NBAS: variants seen among roughly 807,000 people sequenced by gnomAD.
NBAS encodes NAG/BC035112 fusion.
In NBAS, 219 loss-of-function variants were observed where a neutral mutation model predicts 302.5. That is an observed-to-expected ratio of 0.72 (90% CI 0.65 to 0.81). The LOEUF (loss-of-function observed/expected upper bound fraction) is 0.81. Ranked by LOEUF, NBAS falls within the 30% of genes least tolerant of loss-of-function variation. NBAS has a pLI of 0.00. For missense variants in NBAS, 2,932 were observed against 2,841.6 expected, an observed-to-expected ratio of 1.03 and a Z score of -0.72; for synonymous variants, 1,118 against 1,021.6, an observed-to-expected ratio of 1.09 and a Z score of -1.80.
At chr2:15,026,781 C>G in the NBAS span, among the ~76,000 whole-genome samples, 1 of 152,108 alleles carries the variant, frequency 6.6e-6, no homozygotes, top group Admixed American at 6.6e-5. Flanking sequence ...GCATTTAACT[C>G]TTTAATTTAT....
At position 15,234,707 on chromosome 2, in the gene NBAS, C is replaced by A. The variant is rs140373332; in HGVS notation, c.5984G>T (p.Arg1995Leu). ...QKYSHLYDLS[R>L]SEKEKLHDEA... The stretch of plus-strand genomic sequence containing the variant: ...ATCATGAAGTTTCTCTTTTTCTGAT[C>A]GGGACAGATCATAGAGGTGACTGTA... Residue 1995 changes from arginine to leucine, a missense_variant, in exon 46 of 52, where the codon CGA becomes CTA. Physicochemically the swap from Arg to Leu is moderately radical, Grantham distance 102 (BLOSUM62 -2). Coordinates refer to ENST00000281513, the MANE Select transcript of NBAS (RefSeq NM_015909.4). 1 of 1,614,066 alleles carries A rather than the reference C, an allele frequency of 6.2e-7. No homozygotes were observed. The highest frequency in any genetic ancestry group is 2.2e-5 in the East Asian group (1 of 44,882).
intron 28 of NBAS, among the ~76,000 whole-genome samples, chr2:15,392,429 A>G (rs1336276603): frequency 6.6e-6 from 1 of 151,940 alleles, no homozygotes; most frequent in Non-Finnish European, 1.5e-5. Flanking sequence ...GAAAAGGTAG[A>G]GGACATAAGA....
At chr2:15,431,148 A>T (rs1183749877) in intron 21 of NBAS, among the ~76,000 whole-genome samples, 2 of 152,124 alleles carry the variant, frequency 1.3e-5, no homozygotes, top group African/African-American at 4.8e-5. Flanking sequence ...TAATACAGAC[A>T]ACCCAAAAAG....
At chr2:14,998,036 C>A in the NBAS span, among the ~76,000 whole-genome samples, 1 of 152,114 alleles carries the variant, frequency 6.6e-6, no homozygotes, top group Non-Finnish European at 1.5e-5. Flanking sequence ...TTCTTTACAC[C>A]CTACCTGTGT....
the NBAS span, among the ~76,000 whole-genome samples, chr2:14,814,114 C>T: frequency 1.5e-4 from 23 of 152,192 alleles, no homozygotes; most frequent in Non-Finnish European, 2.5e-4. Flanking sequence ...ATGAAAATGC[C>T]TAGATGTCCA....
the NBAS span, chr2:14,890,616 G>C: frequency 5.3e-5 from 8 of 152,246 alleles, no homozygotes; most frequent in East Asian, 1.4e-3. Context: ...TCAGGAGTTT[G>C]AGACCAGCCT....
Position 15,239,187 on chromosome 2 carries a change from G to C in NBAS, c.5725-501C>G, listed in dbSNP as rs149262222. ...CATTAAAATTAGAATTATAAAAACA[G>C]TATCCAAACATTTTGGAATATGTTT... is the stretch of plus-strand genomic sequence containing the variant. On this transcript the variant is annotated intron_variant, in intron 44 of 51. Coordinates refer to ENST00000281513, the MANE Select transcript of NBAS (RefSeq NM_015909.4). Among the ~76,000 whole-genome samples the C allele has an allele frequency of 3.8e-3, 577 of 152,058 alleles. 5 individuals are homozygous for C. Among genetic ancestry groups the C allele is most frequent in the African/African-American group, 0.013 (555 of 41,518 alleles).
chr2:14,859,412 G>A, the NBAS span, among the ~76,000 whole-genome samples: 1 of 151,878 alleles, frequency 6.6e-6, no homozygotes, highest in Admixed American at 6.6e-5. Flanking sequence ...AAAAAAATAT[G>A]GAGGTATCAC....
chr2:14,937,354 C>A, the NBAS span, among the ~76,000 whole-genome samples: 3 of 152,186 alleles, frequency 2.0e-5, no homozygotes, highest in Non-Finnish European at 2.9e-5. Context: ...AACAACCACA[C>A]GCACAGCAAG....
chr2:15,017,987 A>T, the NBAS span, among the ~76,000 whole-genome samples: 1 of 152,102 alleles, frequency 6.6e-6, no homozygotes, highest in Non-Finnish European at 1.5e-5. Flanking sequence ...TCTTACATTC[A>T]TAACATGGAT....
rs936146933 is a variant in NBAS at position 15,474,166 on chromosome 2, C to A, written c.1500G>T (p.Glu500Asp). ...KQGLYLVTEM[E>D]RFAPPRKRPR... Reference sequence around the variant, plus strand: ...GGCGTTTCCGTGGTGGTGCAAATCGCTCCATTTCAGTCACCAAGTAAAGGC... The same window carrying A: ...GGCGTTTCCGTGGTGGTGCAAATCGATCCATTTCAGTCACCAAGTAAAGGC... The change falls in exon 15 of 52, where the codon GAG becomes GAT. Residue 500 changes from glutamate (E) to aspartate (D), a missense_variant. Transcript: ENST00000281513. 6.2e-7 allele frequency: 1 copy of A among 1,614,096 alleles called. No homozygotes were observed. The highest frequency in any genetic ancestry group is 1.3e-5 in the African/African-American group (1 of 75,006).
chr2:15,200,189 C>A (rs1333928366), intron 48 of NBAS, among the ~76,000 whole-genome samples: 1 of 151,940 alleles, frequency 6.6e-6, no homozygotes, highest in Non-Finnish European at 1.5e-5. Flanking sequence ...CTGTGCCTGG[C>A]CAAAAGCTGG....
Position 15,351,993 on chromosome 2 carries a change from T to C in NBAS, c.4178A>G (p.Glu1393Gly), listed in dbSNP as rs1673382790. 1 of 1,606,178 alleles carries C rather than the reference T, an allele frequency of 6.2e-7. No individual in the cohort carries two copies. Among genetic ancestry groups the C allele is most frequent in the African/African-American group, 1.3e-5 (1 of 74,800 alleles). The change falls in exon 35 of 52, where the codon GAG (glutamate) becomes GGG (glycine). Residue 1393 changes from glutamate (E) to glycine (G), a missense_variant and splice_region_variant. By Grantham distance (98) the Glu-to-Gly change is moderately conservative. Coordinates refer to ENST00000281513, the MANE Select transcript of NBAS (RefSeq NM_015909.4). ...CTCCGCTCCCTCATTTTAACTTACC[T>C]CTTGTACTGCTTTACTAGTTAATGG... is the stretch of plus-strand genomic sequence containing the variant. ...ASPLTSKAVQEDEVGVPGSNS... is the reference protein window; with the variant it reads ...ASPLTSKAVQGDEVGVPGSNS...
intron 40 of NBAS, among the ~76,000 whole-genome samples, chr2:15,294,000 C>T (rs961550400): frequency 3.9e-5 from 6 of 152,186 alleles, no homozygotes; most frequent in South Asian, 2.1e-4. Context: ...GGTTTGAATA[C>T]GAACTATTCC....
chr2:15,153,350 G>T, the NBAS span, among the ~76,000 whole-genome samples: 3 of 152,234 alleles, frequency 2.0e-5, no homozygotes, highest in Non-Finnish European at 4.4e-5. Context: ...TGAATGTGGT[G>T]CTATCCCCTG....
intron 29 of NBAS, among the ~76,000 whole-genome samples, 191 bp downstream of exon 29, chr2:15,383,024 A>G (rs1675116903): frequency 6.6e-6 from 1 of 152,224 alleles, no homozygotes; most frequent in South Asian, 2.1e-4. Flanking sequence ...ATAGTGTTGC[A>G]ATGAAAAAAG....
At chr2:15,271,947 A>C (rs569929782) in intron 44 of NBAS, among the ~76,000 whole-genome samples, 1 of 152,378 alleles carries the variant, frequency 6.6e-6, no homozygotes, top group South Asian at 2.1e-4. Context: ...GATTTGGTAC[A>C]AATACACTTT....
chr2:14,799,600 A>G, the NBAS span, among the ~76,000 whole-genome samples: 1 of 152,150 alleles, frequency 6.6e-6, no homozygotes, highest in South Asian at 2.1e-4. Context: ...TGCTTAATTG[A>G]GTAGTCTATA....
At position 15,383,281 on chromosome 2, in the gene NBAS, C is replaced by A; in HGVS notation, c.3294G>T (p.Leu1098Phe). ...PPVSESHWRT[L>F]LQDMLTMQQN... ...GCTGCATAGTTAACATGTCTTGCAG[C>A]AACGTTCTCCAATGAGACTCACTGA... Residue 1098 changes from leucine (L) to phenylalanine (F), a missense_variant, in exon 29 of 52, where the codon TTG becomes TTT. Transcript: ENST00000281513. 1.9e-6 allele frequency: 3 copies of A among 1,613,966 alleles called. No homozygotes were observed. In the South Asian group the frequency reaches 3.3e-5, roughly 18 times the overall value.
Sources: allele counts gnomAD v4.1 joint callset (sites outside exome capture counted in the v4.1 genomes callset), GRCh38; gene constraint gnomAD v4.1.1; transcripts MANE v1.5; gene names NCBI Gene and HGNC (gene_info 2026-07-23, HGNC 2026-07-21).